NCKAP5: variants seen among roughly 807,000 people sequenced by gnomAD.
The protein encoded by NCKAP5 is nck-associated protein 5.
Under a neutral mutation model 167.0 loss-of-function variants are expected in NCKAP5, and 92 were observed. That is an observed-to-expected ratio of 0.55 (90% CI 0.47 to 0.66). NCKAP5 has a LOEUF of 0.66. Ranked by LOEUF, NCKAP5 falls within the 30% of genes least tolerant of loss-of-function variation. The pLI is 0.00. For missense variants in NCKAP5, 2,378 were observed against 2,315.0 expected, an observed-to-expected ratio of 1.03 and a Z score of -0.56; for synonymous variants, 891 against 877.4, an observed-to-expected ratio of 1.02 and a Z score of -0.27.
chr2:132,784,747 A>G lies in NCKAP5; in HGVS notation c.2064T>C (p.Val688=). ...AAATCTCATTTCTGGTAACAGTGAC[A>G]ACCCCAGTCTGGTGAGAGCTGAATT... is the stretch of plus-strand genomic sequence containing the variant. ...PIEFSSHQTG[V]VTVTRNEISI... Residue 688 remains valine, a synonymous_variant, in exon 14 of 20, where the codon GTT becomes GTC. Transcript: ENST00000409261. 6.2e-7 allele frequency: 1 copy of G among 1,613,898 alleles called. No individual in the cohort carries two copies. Among genetic ancestry groups the G allele is most frequent in the East Asian group, 2.2e-5 (1 of 44,882 alleles).
At position 133,043,961 on chromosome 2, in the gene NCKAP5, C is replaced by A. The variant is rs1252114055; in HGVS notation, c.342-49722G>T. Among the ~76,000 whole-genome samples, 3 of 151,588 alleles carry A rather than the reference C, an allele frequency of 2.0e-5. No individual in the cohort carries two copies. In the South Asian group the frequency reaches 6.2e-4, roughly 31 times the overall value. On this transcript the variant is annotated intron_variant, in intron 6 of 19. Coordinates refer to ENST00000409261, the MANE Select transcript of NCKAP5 (RefSeq NM_207363.3). ...AAAATAATAAAGGTGTAGTTCCTCA[C>A]AAATGGAATATTAAATCTCATTAAG... is the stretch of plus-strand genomic sequence containing the variant.
chr2:133,605,693 C>T, the NCKAP5 span, among the ~76,000 whole-genome samples: 2 of 152,164 alleles, frequency 1.3e-5, no homozygotes, highest in African/African-American at 2.4e-5. Flanking sequence ...GGGGTTTGCC[C>T]AGCACAGTGC....
Position 132,785,692 on chromosome 2 carries a change from C to T in NCKAP5, c.1119G>A (p.Arg373=). Reference sequence around the variant, plus strand: ...TTGGGAGCGAAGAATCAATACTTAGCCTTTTATCCCAGTTTTGTGATGATT... The same window carrying T: ...TTGGGAGCGAAGAATCAATACTTAGTCTTTTATCCCAGTTTTGTGATGATT... ...KRQSSQNWDK[R]LSIDSSLPSG... The change falls in exon 14 of 20, where the codon AGG becomes AGA. Residue 373 remains arginine, a synonymous_variant. Transcript: ENST00000409261. The T allele has an allele frequency of 6.7e-7, 1 of 1,496,674 alleles. No homozygotes were observed. Among genetic ancestry groups the T allele is most frequent in the Non-Finnish European group, 8.9e-7 (1 of 1,124,266 alleles). 92.7% of individuals were successfully genotyped at this position (1,496,674 alleles called of 1,614,324 possible).
the NCKAP5 span, among the ~76,000 whole-genome samples, chr2:133,644,337 T>G: frequency 6.6e-6 from 1 of 152,174 alleles, no homozygotes; most frequent in Non-Finnish European, 1.5e-5. Flanking sequence ...TACCATCAGT[T>G]CTTCAAGTTC....
chr2:133,091,101 G>A (rs2081163823), intron 6 of NCKAP5, among the ~76,000 whole-genome samples: 1 of 152,134 alleles, frequency 6.6e-6, no homozygotes, highest in African/African-American at 2.4e-5. Flanking sequence ...CATGTAAGAT[G>A]TGCCTGCTTC....
chr2:132,936,816 T>C (rs1696888314), intron 8 of NCKAP5, among the ~76,000 whole-genome samples: 2 of 152,230 alleles, frequency 1.3e-5, no homozygotes, highest in Admixed American at 1.3e-4. Flanking sequence ...TGCATATGTA[T>C]CAACTTTATA....
intron 16 of NCKAP5, among the ~76,000 whole-genome samples, chr2:132,738,020 T>TA (rs1389395038): frequency 6.6e-6 from 1 of 152,160 alleles, no homozygotes; most frequent in African/African-American, 2.4e-5. Flanking sequence ...TGAAAAACAA[T>TA]AAACCTTTAG....
the NCKAP5 span, among the ~76,000 whole-genome samples, chr2:133,582,532 T>TACCCC: frequency 6.6e-6 from 1 of 152,216 alleles, no homozygotes; most frequent in East Asian, 1.9e-4. Context: ...TATACAATTT[T>TACCCC]ACCCCCTCAC....
At chr2:133,175,104 G>A (rs2084401973) in intron 5 of NCKAP5, among the ~76,000 whole-genome samples, 1 of 151,794 alleles carries the variant, frequency 6.6e-6, no homozygotes, top group Admixed American at 6.5e-5. Context: ...TAAATTTACA[G>A]TTCTCTAACT....
At chr2:133,125,207 C>G (rs1204331878) in intron 6 of NCKAP5, among the ~76,000 whole-genome samples, 1 of 151,794 alleles carries the variant, frequency 6.6e-6, no homozygotes, top group Admixed American at 6.6e-5. Context: ...CTAAGTGATC[C>G]CATTACTCTA....
intron 6 of NCKAP5, among the ~76,000 whole-genome samples, chr2:133,104,835 G>A (rs1201214620): frequency 6.6e-6 from 1 of 152,108 alleles, no homozygotes. Context: ...TTCAATTATT[G>A]AAGTGTGCCT....
intron 3 of NCKAP5, among the ~76,000 whole-genome samples, chr2:133,444,855 G>T (rs567339328): frequency 1.4e-4 from 22 of 152,250 alleles, no homozygotes; most frequent in East Asian, 5.8e-4. Flanking sequence ...CTCCACAGCT[G>T]ACTTCCTGGA....
At chr2:133,639,888 G>A in the NCKAP5 span, among the ~76,000 whole-genome samples, 1 of 151,988 alleles carries the variant, frequency 6.6e-6, no homozygotes, top group African/African-American at 2.4e-5. Flanking sequence ...AATAAATGCG[G>A]AATGTCATAA....
chr2:133,153,155 T>G (rs2083442564), intron 5 of NCKAP5, among the ~76,000 whole-genome samples: 1 of 152,158 alleles, frequency 6.6e-6, no homozygotes, highest in African/African-American at 2.4e-5. Context: ...AGATGGCATG[T>G]GAAATATTTT....
At chr2:133,625,067 C>T in the NCKAP5 span, among the ~76,000 whole-genome samples, 2 of 152,190 alleles carry the variant, frequency 1.3e-5, no homozygotes, top group East Asian at 3.8e-4. Flanking sequence ...GTAAACAACT[C>T]TTGAAACTTT....
At chr2:133,319,876 G>A (rs982800881) in intron 3 of NCKAP5, among the ~76,000 whole-genome samples, 14 of 152,096 alleles carry the variant, frequency 9.2e-5, no homozygotes, top group African/African-American at 3.4e-4. Flanking sequence ...AATTAAATTT[G>A]CTATAATAAC....
the NCKAP5 span, among the ~76,000 whole-genome samples, chr2:133,654,843 G>A: frequency 1.8e-3 from 268 of 152,232 alleles, 2 homozygotes; most frequent in Admixed American, 2.7e-3. Context: ...TTCCTAACTC[G>A]GCTGTTTTTG....
chr2:132,848,732 A>G (rs1402421746), intron 11 of NCKAP5, among the ~76,000 whole-genome samples: 1 of 152,200 alleles, frequency 6.6e-6, no homozygotes, highest in Non-Finnish European at 1.5e-5. Flanking sequence ...CTGAGGCAGA[A>G]GGGTCACTTG....
chr2:133,200,335 T>G (rs1036090365), intron 5 of NCKAP5, among the ~76,000 whole-genome samples: 10 of 152,060 alleles, frequency 6.6e-5, no homozygotes, highest in African/African-American at 2.2e-4. Flanking sequence ...TCATGTTAAC[T>G]GATTTTTAAA....
Sources: allele counts gnomAD v4.1 joint callset (sites outside exome capture counted in the v4.1 genomes callset), GRCh38; gene constraint gnomAD v4.1.1; transcripts MANE v1.5; gene names NCBI Gene and HGNC (gene_info 2026-07-23, HGNC 2026-07-21).